SLC23A2: variants seen among roughly 807,000 people sequenced by gnomAD.
SLC23A2 encodes Na(+)/L-ascorbic acid transporter 2.
In SLC23A2, 36 loss-of-function variants were observed where a neutral mutation model predicts 73.3. The ratio of observed to expected loss-of-function variants is 0.49; its 90% confidence interval spans 0.38 to 0.65. SLC23A2 has a LOEUF of 0.65. SLC23A2 is among the 30% of genes least tolerant of loss of function. SLC23A2 has a pLI of 0.00. For synonymous variants in SLC23A2, 343 were observed against 327.3 expected, an observed-to-expected ratio of 1.05 and a Z score of -0.52; for missense variants, 507 against 841.6, an observed-to-expected ratio of 0.60 and a Z score of 4.92.
chr20:4,963,222 T>A (rs1381916389), intron 2 of SLC23A2, among the ~76,000 whole-genome samples: 4 of 152,216 alleles, frequency 2.6e-5, no homozygotes, highest in Non-Finnish European at 1.5e-5. Context: ...GCACAATTCA[T>A]GCCAAATGTC....
chr20:4,930,388 A>G (rs1466282532), intron 3 of SLC23A2, among the ~76,000 whole-genome samples: 1 of 152,386 alleles, frequency 6.6e-6, no homozygotes, highest in East Asian at 1.9e-4. Context: ...TCCAGTTTCA[A>G]AATTTTTCAT....
At position 4,872,960 on chromosome 20, in the gene SLC23A2, G is replaced by A. The variant is rs1000621070; in HGVS notation, c.1102+976C>T. 6.6e-6 allele frequency among the ~76,000 whole-genome samples: 1 copy of A among 152,116 alleles called. No homozygotes were observed. Among genetic ancestry groups the A allele is most frequent in the Admixed American group, 6.6e-5 (1 of 15,260 alleles). ...GTAGAGATGGGGTTTCACCATGTTG[G>A]CCAGGCTGGTCTTGAACTCCTGACC... On this transcript the variant is annotated intron_variant, in intron 11 of 16. Coordinates refer to ENST00000338244, the MANE Select transcript of SLC23A2 (RefSeq NM_005116.6). This position sits in a 1 kb window ranked among gnomAD's most constrained non-coding sequence, Gnocchi z 4.4.
intron 2 of SLC23A2, among the ~76,000 whole-genome samples, chr20:4,940,539 A>G (rs1337584377): frequency 2.6e-5 from 4 of 152,154 alleles, no homozygotes; most frequent in Non-Finnish European, 5.9e-5. Context: ...TGCCAAGACA[A>G]TTGGTTACCA....
intron 2 of SLC23A2, among the ~76,000 whole-genome samples, chr20:4,968,728 T>TTC (rs2087514112): frequency 6.6e-6 from 1 of 151,754 alleles, no homozygotes. Flanking sequence ...ATTTTTCTTT[T>TTC]TTTTTTTTGA....
rs751050083 is a variant in SLC23A2, at chr20:4,869,922, TG to T, written c.1233del (p.Ile412SerfsTer4). On this transcript the variant is annotated frameshift_variant, in exon 12 of 17. Coordinates refer to ENST00000338244, the MANE Select transcript of SLC23A2 (RefSeq NM_005116.6). LOFTEE classifies it high-confidence loss of function. Reference sequence around the variant, plus strand: ...GGAACGTACCTGTTTATTGCGTGGATGGGGGGGGGTGGGGCACAGGACAGCC... The same window carrying T: ...GGAACGTACCTGTTTATTGCGTGGATGGGGGGGGTGGGGCACAGGACAGCC... ...CARLSCAPPPPIHAINRGIFV... is the reference protein window; with the variant it reads ...CARLSCAPPPXIHAINRGIFV... 4.3e-3 allele frequency: 4,261 copies of T among 984,070 alleles called. No individual in the cohort carries two copies. The highest frequency in any genetic ancestry group is 4.6e-3 in the Non-Finnish European group (3,323 of 716,812). The allele number at this position is 984,070 out of a possible 1,614,324, so 61.0% of individuals were successfully genotyped here.
At chr20:4,996,813 G>A (rs1410796749) in intron 1 of SLC23A2, among the ~76,000 whole-genome samples, 1 of 151,916 alleles carries the variant, frequency 6.6e-6, no homozygotes, top group Non-Finnish European at 1.5e-5. Flanking sequence ...CTAGATCTGA[G>A]GTCACAGACT....
At chr20:4,925,258 G>A (rs1465881005) in intron 3 of SLC23A2, among the ~76,000 whole-genome samples, 2 of 151,598 alleles carry the variant, frequency 1.3e-5, no homozygotes, top group Non-Finnish European at 2.9e-5. Context: ...GCCCAGACCT[G>A]TGAGTGGCAC....
chr20:4,918,318 C>T (rs34702220), intron 3 of SLC23A2, among the ~76,000 whole-genome samples: 3 of 152,144 alleles, frequency 2.0e-5, no homozygotes, highest in African/African-American at 7.2e-5. Flanking sequence ...TTAAACTAAA[C>T]TCGTGGCCTT....
chr20:4,923,029 A>AG (rs1932548689), intron 3 of SLC23A2, among the ~76,000 whole-genome samples: 1 of 151,902 alleles, frequency 6.6e-6, no homozygotes, highest in African/African-American at 2.4e-5. Flanking sequence ...AACTACCAAA[A>AG]CTCTGTTCAA....
intron 1 of SLC23A2, among the ~76,000 whole-genome samples, chr20:4,979,253 A>C (rs927227608): frequency 1.3e-5 from 2 of 152,060 alleles, no homozygotes; most frequent in African/African-American, 4.8e-5. Context: ...AGATCACACC[A>C]CTGCACTCCA....
At chr20:4,974,235 C>A (rs1158937180) in intron 1 of SLC23A2, among the ~76,000 whole-genome samples, 2 of 152,108 alleles carry the variant, frequency 1.3e-5, no homozygotes, top group East Asian at 3.8e-4. Flanking sequence ...CTTTGGGAGG[C>A]TGAGGTGGGT....
At chr20:4,879,067 G>A (rs1930771698) in intron 9 of SLC23A2, among the ~76,000 whole-genome samples, 2 of 152,164 alleles carry the variant, frequency 1.3e-5, no homozygotes, top group Admixed American at 6.5e-5. Context: ...ACTGATTTGA[G>A]TCTTTCATCA....
chr20:4,907,645 T>C (rs1932003793), intron 4 of SLC23A2, among the ~76,000 whole-genome samples: 2 of 151,848 alleles, frequency 1.3e-5, no homozygotes, highest in African/African-American at 4.8e-5. Flanking sequence ...GGGCTGGAAG[T>C]CAAAGGTAGC....
chr20:4,952,590 C>T (rs577958067), intron 2 of SLC23A2, among the ~76,000 whole-genome samples: 1 of 152,174 alleles, frequency 6.6e-6, no homozygotes, highest in Non-Finnish European at 1.5e-5. Context: ...TTCACAGAGG[C>T]CACTAACTAG....
At chr20:4,994,934 C>CA (rs59303726) in intron 1 of SLC23A2, among the ~76,000 whole-genome samples, 4,195 of 138,108 alleles carry the variant, frequency 0.03, 184 homozygotes, top group African/African-American at 0.1. Flanking sequence ...AACTCTGTCT[C>CA]AAAAAAAAAA....
At position 4,985,790 on chromosome 20, in the gene SLC23A2, A is replaced by T. The variant is rs141367870; in HGVS notation, c.-281-14871T>A. 8.4e-3 allele frequency among the ~76,000 whole-genome samples: 1,285 copies of T among 152,228 alleles called. 47 individuals carry two copies. The South Asian group carries it at 0.14, about 16-fold the overall frequency. On this transcript the variant is annotated intron_variant, in intron 1 of 16. Coordinates refer to ENST00000338244, the MANE Select transcript of SLC23A2 (RefSeq NM_005116.6). Reference sequence around the variant, plus strand: ...GATACCATTTATATGTCCAGAAGAGAACATCTATAGAAACAGACTGCGGAT... The same window carrying T: ...GATACCATTTATATGTCCAGAAGAGTACATCTATAGAAACAGACTGCGGAT...
At chr20:4,886,695 G>A (rs971624514) in intron 6 of SLC23A2, among the ~76,000 whole-genome samples, 1 of 152,146 alleles carries the variant, frequency 6.6e-6, no homozygotes, top group Non-Finnish European at 1.5e-5. Flanking sequence ...TTTCAGCTAA[G>A]TCACATTAAA....
In SLC23A2 at chr20:4,856,921, G is replaced by A; in HGVS notation, c.*51C>T. Reference sequence around the variant, plus strand: ...ATTTTACTTCTTGTTACTCAGCAAGGAACTACAGATACATGCCTCACTGCG... The same window carrying A: ...ATTTTACTTCTTGTTACTCAGCAAGAAACTACAGATACATGCCTCACTGCG... On this transcript the variant is annotated 3_prime_UTR_variant, in exon 17 of 17. Transcript: ENST00000338244. This position sits in a 1 kb window ranked among gnomAD's most constrained non-coding sequence, Gnocchi z 4.6. 1 of 1,145,886 alleles carries A rather than the reference G, an allele frequency of 8.7e-7. No homozygotes were observed. Among genetic ancestry groups the A allele is most frequent in the African/African-American group, 1.5e-5 (1 of 65,136 alleles). The allele number at this position is 1,145,886 out of a possible 1,614,324, so 71.0% of individuals were successfully genotyped here. A position where few individuals can be genotyped will look rare whatever the true frequency, so the allele number is the denominator to read the frequency against.
At chr20:4,858,169 T>G (rs535175513) in intron 16 of SLC23A2, among the ~76,000 whole-genome samples, 1 of 152,126 alleles carries the variant, frequency 6.6e-6, no homozygotes. Context: ...TCTGGTGCTA[T>G]GGGGGACACA....
Sources: allele counts gnomAD v4.1 joint callset (sites outside exome capture counted in the v4.1 genomes callset), GRCh38; gene constraint gnomAD v4.1.1; non-coding constraint Gnocchi (gnomAD v3.1); transcripts MANE v1.5; gene names NCBI Gene and HGNC (gene_info 2026-07-23, HGNC 2026-07-21).